Variants in RBFOX1 observed in about 807,000 individuals in gnomAD.
RBFOX1 encodes the protein RNA binding fox-1 homolog 1, also known as RNA binding protein fox-1 homolog 1.
A neutral mutation model predicts 57.7 loss-of-function variants in RBFOX1; 8 were observed. That is an observed-to-expected ratio of 0.14 (90% CI 0.08 to 0.25). The LOEUF (loss-of-function observed/expected upper bound fraction) is 0.25. Ranked by LOEUF, RBFOX1 falls within the 10% of genes least tolerant of loss-of-function variation. The pLI, the probability that RBFOX1 is intolerant of heterozygous loss-of-function variation, is 1.00. For synonymous variants in RBFOX1, 326 were observed against 222.4 expected, an observed-to-expected ratio of 1.47 and a Z score of -4.15; for missense variants, 611 against 548.5, an observed-to-expected ratio of 1.11 and a Z score of -1.14.
intron 2 of RBFOX1, among the ~76,000 whole-genome samples, chr16:5,591,324 T>C (rs1467329133): frequency 6.6e-6 from 1 of 151,514 alleles, no homozygotes; most frequent in African/African-American, 2.4e-5. Context: ...TGATTTCAGC[T>C]CACTGCAACA....
intron 14 of RBFOX1, among the ~76,000 whole-genome samples, chr16:7,686,561 A>T (rs920143929): frequency 6.6e-6 from 1 of 151,960 alleles, no homozygotes; most frequent in Non-Finnish European, 1.5e-5. Flanking sequence ...TTCCTTTAGG[A>T]GTCTACACAG....
At chr16:6,995,850 A>AAATCTGAACCAAT (rs1331665527) in intron 3 of RBFOX1, among the ~76,000 whole-genome samples, 6 of 152,208 alleles carry the variant, frequency 3.9e-5, no homozygotes, top group Non-Finnish European at 8.8e-5. Context: ...AGATTTTATA[A>AAATCTGAACCAAT]CTCAACAGAC....
intron 4 of RBFOX1, among the ~76,000 whole-genome samples, chr16:7,281,598 C>G (rs1555662610): frequency 2.0e-5 from 3 of 151,988 alleles, no homozygotes; most frequent in South Asian, 4.1e-4. Flanking sequence ...TGTTGGAAGT[C>G]AGAGAAAATA....
At chr16:7,001,592 G>A (rs892798865) in intron 3 of RBFOX1, among the ~76,000 whole-genome samples, 3 of 152,052 alleles carry the variant, frequency 2.0e-5, no homozygotes, top group Admixed American at 6.6e-5. Flanking sequence ...GAGTAGCTGG[G>A]ATTACAGGCA....
At chr16:6,396,629 G>C (rs1344938563) in intron 2 of RBFOX1, among the ~76,000 whole-genome samples, 1 of 152,150 alleles carries the variant, frequency 6.6e-6, no homozygotes, top group African/African-American at 2.4e-5. Context: ...AATCCAGCAA[G>C]TTAACTGCCT....
chr16:6,418,042 A>G lies in RBFOX1; in HGVS notation c.-64+100985A>G, dbSNP rs569681411. ...GAGACACAGGCCAAGCCTTCAAACAAGTTATACTGAACCCAGAGGGTTCCC... is the reference window on the plus strand; with the variant it reads ...GAGACACAGGCCAAGCCTTCAAACAGGTTATACTGAACCCAGAGGGTTCCC... On this transcript the variant is annotated intron_variant, in intron 2 of 15. Transcript: ENST00000550418. Among the ~76,000 whole-genome samples the G allele has an allele frequency of 7.9e-4, 121 of 152,344 alleles. 1 individual carries two copies. The highest frequency in any genetic ancestry group is 9.4e-4 in the Non-Finnish European group (64 of 68,034).
chr16:7,137,321 C>G (rs1377885175), intron 4 of RBFOX1, among the ~76,000 whole-genome samples: 1 of 152,132 alleles, frequency 6.6e-6, no homozygotes, highest in Non-Finnish European at 1.5e-5. Flanking sequence ...TGAACTGTAG[C>G]TCCTGTAATT....
intron 4 of RBFOX1, among the ~76,000 whole-genome samples, chr16:7,374,426 C>G (rs1022792128): frequency 3.9e-5 from 6 of 152,162 alleles, no homozygotes; most frequent in African/African-American, 1.4e-4. Context: ...GATTATTCTG[C>G]TCAGTTGAAT....
At chr16:6,353,410 C>T (rs945286497) in intron 2 of RBFOX1, among the ~76,000 whole-genome samples, 4 of 151,392 alleles carry the variant, frequency 2.6e-5, no homozygotes, top group African/African-American at 9.7e-5. Context: ...TTTTTAACTT[C>T]CTTGGTGTTT....
intron 4 of RBFOX1, among the ~76,000 whole-genome samples, chr16:7,475,046 G>T (rs1258992588): frequency 6.6e-6 from 1 of 152,140 alleles, no homozygotes; most frequent in Non-Finnish European, 1.5e-5. Context: ...AAGACAGGTT[G>T]TTCACCAAAT....
intron 1 of RBFOX1, among the ~76,000 whole-genome samples, chr16:5,257,188 C>G (rs929264288): frequency 8.6e-5 from 13 of 151,160 alleles, no homozygotes; most frequent in Non-Finnish European, 1.3e-4. Context: ...CAAAAAAAAA[C>G]AGCCCTGACC....
intron 4 of RBFOX1, among the ~76,000 whole-genome samples, chr16:7,120,223 A>G (rs576801057): frequency 1.3e-5 from 2 of 152,228 alleles, no homozygotes; most frequent in African/African-American, 2.4e-5. Flanking sequence ...AAGTGCTTCT[A>G]TTAGAGAATA....
In RBFOX1 at chr16:5,388,336, C is replaced by T. The variant is rs569419617; in HGVS notation, c.220-78880C>T. Among the ~76,000 whole-genome samples, 39 of 152,288 alleles carry T rather than the reference C, an allele frequency of 2.6e-4. No individual in the cohort carries two copies. The South Asian group carries it at 7.9e-3, about 31-fold the overall frequency. ...GGAGGCTTCGGACAAAGGCTGATCTCTGCCAAGCGACAACAAGCTTTTTCT... is the reference window on the plus strand; with the variant it reads ...GGAGGCTTCGGACAAAGGCTGATCTTTGCCAAGCGACAACAAGCTTTTTCT... On this transcript the variant is annotated intron_variant, in intron 1 of 2. Transcript: ENST00000585867.
chr16:6,062,837 C>G (rs538018985), intron 1 of RBFOX1, among the ~76,000 whole-genome samples: 2 of 152,110 alleles, frequency 1.3e-5, no homozygotes, highest in South Asian at 4.2e-4. Flanking sequence ...GGCAGATTAG[C>G]AGGCTGGAAA....
At chr16:6,081,292 C>G (rs549860496) in intron 1 of RBFOX1, among the ~76,000 whole-genome samples, 18 of 152,296 alleles carry the variant, frequency 1.2e-4, no homozygotes, top group Middle Eastern at 3.4e-3. Context: ...TCTCATTGGA[C>G]AAGGTTCCCC....
rs183295748 is a variant in RBFOX1, at chr16:6,960,104, T to C, written c.-15-91953T>C. Among the ~76,000 whole-genome samples the C allele has an allele frequency of 3.9e-5, 6 of 152,252 alleles. No homozygotes were observed. The South Asian group carries it at 8.3e-4, about 21-fold the overall frequency. On this transcript the variant is annotated intron_variant, in intron 3 of 15. Coordinates refer to ENST00000550418, the MANE Select transcript of RBFOX1 (RefSeq NM_018723.4). ...ACCCATTTAGGATTAAACAAGTGTA[T>C]TGGGGGTCTGAAGAAACTCCCCAGG...
intron 1 of RBFOX1, among the ~76,000 whole-genome samples, chr16:6,237,202 G>T (rs74005011): frequency 6.6e-6 from 1 of 152,120 alleles, no homozygotes; most frequent in South Asian, 2.1e-4. Flanking sequence ...TATAAATTTC[G>T]TTAGGTATTT....
intron 4 of RBFOX1, among the ~76,000 whole-genome samples, chr16:7,353,845 C>G (rs183840382): frequency 1.6e-4 from 24 of 152,170 alleles, no homozygotes; most frequent in African/African-American, 5.8e-4. Flanking sequence ...TATGGATTTT[C>G]TTTTTGAGGT....
intron 4 of RBFOX1, among the ~76,000 whole-genome samples, chr16:7,297,345 C>T (rs146968241): frequency 9.2e-5 from 14 of 152,308 alleles, no homozygotes; most frequent in African/African-American, 2.4e-4. Context: ...TCTCCAGAAA[C>T]ATATGCAGGT....
Sources: allele counts gnomAD v4.1 joint callset (sites outside exome capture counted in the v4.1 genomes callset), GRCh38; gene constraint gnomAD v4.1.1; transcripts MANE v1.5; gene names NCBI Gene and HGNC (gene_info 2026-07-23, HGNC 2026-07-21).